DLC1: variants seen among roughly 807,000 people sequenced by gnomAD.
DLC1 encodes rho GTPase-activating protein 7.
A neutral mutation model predicts 140.3 loss-of-function variants in DLC1; 54 were observed. That is an observed-to-expected ratio of 0.38 (90% CI 0.31 to 0.48). DLC1 has a LOEUF of 0.48. DLC1 is among the 20% of genes least tolerant of loss of function. The pLI is 0.96. For synonymous variants in DLC1, 986 were observed against 728.1 expected (o/e 1.35, Z -5.70); for missense variants, 2,536 against 1,907.0 (o/e 1.33, Z -6.14).
chr8:13,361,720 C>T (rs1440824917), intron 4 of DLC1, among the ~76,000 whole-genome samples: 1 of 152,114 alleles, frequency 6.6e-6, no homozygotes, highest in Non-Finnish European at 1.5e-5. Flanking sequence ...GACAAGTTTT[C>T]CCTACCAAAA....
intron 3 of DLC1, 68 bp downstream of exon 3, chr8:13,401,402 A>C (rs894852684): frequency 1.3e-6 from 2 of 1,562,950 alleles, no homozygotes. Context: ...TTGCCTTTGC[A>C]AGAGGGACTG....
At chr8:13,262,592 T>C (rs988016091) in intron 5 of DLC1, among the ~76,000 whole-genome samples, 45 of 152,174 alleles carry the variant, frequency 3.0e-4, no homozygotes, top group African/African-American at 1.0e-3. Context: ...TGAGGCCTTG[T>C]CCTGGCACTC....
intron 2 of DLC1, among the ~76,000 whole-genome samples, chr8:13,421,887 A>G (rs1041675702): frequency 2.6e-5 from 4 of 152,128 alleles, no homozygotes; most frequent in African/African-American, 9.7e-5. Context: ...CTTTATTTAC[A>G]TATGTATCTA....
chr8:13,431,645 T>C (rs907524806), intron 2 of DLC1, among the ~76,000 whole-genome samples: 11 of 151,884 alleles, frequency 7.2e-5, no homozygotes, highest in Admixed American at 4.6e-4. Flanking sequence ...AAGACATACA[T>C]CTGCTTTAGA....
At position 13,088,520 on chromosome 8, in the gene DLC1, G is replaced by C. The variant is rs201629826; in HGVS notation, c.4259C>G (p.Ala1420Gly). The C allele has an allele frequency of 3.1e-6, 5 of 1,614,104 alleles. No homozygotes were observed. The highest frequency in any genetic ancestry group is 1.6e-4 in the Middle Eastern group (1 of 6,084). Residue 1420 changes from alanine to glycine, a missense_variant, in exon 16 of 18, where the codon GCA becomes GGA. Ala to Gly is a moderately conservative substitution (Grantham distance 60). Coordinates refer to ENST00000276297, the MANE Select transcript of DLC1 (RefSeq NM_182643.3). ...EIYQYVQNSMAPHPARDYVVL... is the reference protein window; with the variant it reads ...EIYQYVQNSMGPHPARDYVVL... ...AACGTAGTCTCGAGCAGGATGAGGTGCCATACTGTTTTGGACATACTGGTA... is the reference window on the plus strand; with the variant it reads ...AACGTAGTCTCGAGCAGGATGAGGTCCCATACTGTTTTGGACATACTGGTA...
At chr8:13,532,587 TCTC>T (rs1803136495) in intron 1 of DLC1, among the ~76,000 whole-genome samples, 2 of 152,124 alleles carry the variant, frequency 1.3e-5, no homozygotes, top group Non-Finnish European at 2.9e-5. Context: ...TTTCTCTCTC[TCTC>T]TCTCTCTCAG....
chr8:13,524,886 G>A (rs999663564), intron 1 of DLC1, among the ~76,000 whole-genome samples: 3 of 152,020 alleles, frequency 2.0e-5, no homozygotes, highest in African/African-American at 7.2e-5. Flanking sequence ...CAATTTGATT[G>A]CTTTTGACAA....
At chr8:13,179,549 T>C (rs1042922398) in intron 5 of DLC1, among the ~76,000 whole-genome samples, 1 of 152,060 alleles carries the variant, frequency 6.6e-6, no homozygotes, top group East Asian at 1.9e-4. Context: ...GGAGAAACCC[T>C]GCCTCAACAA....
At chr8:13,088,172 C>G (rs925976709) in intron 16 of DLC1, among the ~76,000 whole-genome samples, 8 of 152,164 alleles carry the variant, frequency 5.3e-5, no homozygotes, top group African/African-American at 1.9e-4. Context: ...CCTCAAACTC[C>G]TGGCTCAAGG....
intron 10 of DLC1, among the ~76,000 whole-genome samples, chr8:13,097,900 A>T (rs1433616139): frequency 6.6e-5 from 10 of 151,870 alleles, no homozygotes; most frequent in Non-Finnish European, 1.5e-4. Context: ...GAATATAGAG[A>T]GTGGCTGGCG....
At chr8:13,325,449 T>TACACACACACACACAC (rs1554497506) in intron 4 of DLC1, among the ~76,000 whole-genome samples, 3 of 38,256 alleles carry the variant, frequency 7.8e-5, no homozygotes, top group African/African-American at 1.8e-4. Context: ...TAGTTCTGTA[T>TACACACACACACACAC]ACACACACAC....
At position 13,429,604 on chromosome 8, in the gene DLC1, G is replaced by C. The variant is rs867750947; in HGVS notation, c.1024-27985C>G. 1.6e-4 allele frequency among the ~76,000 whole-genome samples: 24 copies of C among 152,250 alleles called. No homozygotes were observed. In the Middle Eastern group the frequency reaches 0.01, roughly 65 times the overall value. On this transcript the variant is annotated intron_variant, in intron 2 of 17. Coordinates refer to ENST00000276297, the MANE Select transcript of DLC1 (RefSeq NM_182643.3). ...TAGCAGTGAAAGCAAAAAAGGGAAAGTTTTATCCTATGTATCTTTTGCCAT... is the reference window on the plus strand; with the variant it reads ...TAGCAGTGAAAGCAAAAAAGGGAAACTTTTATCCTATGTATCTTTTGCCAT...
intron 5 of DLC1, among the ~76,000 whole-genome samples, chr8:13,297,131 T>A (rs958543076): frequency 6.6e-6 from 1 of 151,160 alleles, no homozygotes; most frequent in African/African-American, 2.4e-5. Context: ...ACCTGAAAGC[T>A]AATGTGTTTT....
chr8:13,535,667 A>AT (rs200630999), intron 1 of DLC1, among the ~76,000 whole-genome samples: 12,258 of 34,062 alleles, frequency 0.36, 969 homozygotes, highest in South Asian at 0.44. Context: ...ATCATTGCTC[A>AT]TTAAAAAAAA....
At position 13,567,160 on chromosome 8, in the gene DLC1, A is replaced by T. The variant is rs2117398238; in HGVS notation, c.-126+37377T>A. 1.9e-6 allele frequency: 3 copies of T among 1,551,740 alleles called. No individual in the cohort carries two copies. The East Asian group carries it at 7.3e-5, about 38-fold the overall frequency. ...CCTGACCTCTGGGAGCAAACTGGAG[A>T]GGGAAAAGCAGACTCCAAGCTTGGA... On this transcript the variant is annotated intron_variant, in intron 1 of 1. Transcript: ENST00000631382.
intron 1 of DLC1, among the ~76,000 whole-genome samples, chr8:13,587,200 G>C (rs1056948329): frequency 2.0e-5 from 3 of 151,554 alleles, no homozygotes; most frequent in African/African-American, 4.8e-5. Flanking sequence ...ATAAAATTTT[G>C]TGAGTGGCCA....
chr8:13,457,643 C>T (rs1191543908), intron 2 of DLC1, among the ~76,000 whole-genome samples: 1 of 133,538 alleles, frequency 7.5e-6, no homozygotes, highest in Non-Finnish European at 1.5e-5. Context: ...CGCCACTGCA[C>T]TCCAGCCTGG....
chr8:13,513,903 A>C (rs1325597541), intron 1 of DLC1, among the ~76,000 whole-genome samples: 1 of 152,218 alleles, frequency 6.6e-6, no homozygotes, highest in Non-Finnish European at 1.5e-5. Context: ...AATATTACAC[A>C]AAATGTGACC....
At chr8:13,567,924 G>A (rs1324702398) in intron 1 of DLC1, 1 of 1,550,134 alleles carries the variant, frequency 6.5e-7, no homozygotes. Flanking sequence ...TCAAACCAGA[G>A]CTGGTGATTG....
Sources: allele counts gnomAD v4.1 joint callset (sites outside exome capture counted in the v4.1 genomes callset), GRCh38; gene constraint gnomAD v4.1.1; transcripts MANE v1.5; gene names NCBI Gene and HGNC (gene_info 2026-07-23, HGNC 2026-07-21).